Variants in DZANK1 observed in about 807,000 individuals in gnomAD.
DZANK1 encodes the protein double zinc ribbon and ankyrin repeat domains 1, also known as double zinc ribbon and ankyrin repeat-containing protein 1.
In DZANK1, 91 loss-of-function variants were observed where a neutral mutation model predicts 94.5. The observed-to-expected ratio is 0.96, with a 90% CI of 0.81 to 1.15. The LOEUF is 1.15. DZANK1 is among the 50% of genes most tolerant of loss of function. DZANK1 has a pLI of 0.00. For missense variants in DZANK1, 903 were observed against 916.4 expected, an observed-to-expected ratio of 0.99 and a Z score of 0.19; for synonymous variants, 312 against 325.3, an observed-to-expected ratio of 0.96 and a Z score of 0.44.
Position 18,441,149 on chromosome 20 carries a change from G to A in DZANK1, c.747+2198C>T, listed in dbSNP as rs2058704019. ...CATTGTCACTGTCATAGAGTCAAGT[G>A]CAGCAGTTACTTGGCCATTCAAGAT... On this transcript the variant is annotated intron_variant, in intron 8 of 20. Transcript: ENST00000262547. This position sits in a 1 kb window ranked among gnomAD's most constrained non-coding sequence, Gnocchi z 4.1. Among the ~76,000 whole-genome samples, 1 of 152,132 alleles carries A rather than the reference G, an allele frequency of 6.6e-6. No individual in the cohort carries two copies. The highest frequency in any genetic ancestry group is 6.5e-5 in the Admixed American group (1 of 15,274).
intron 13 of DZANK1, among the ~76,000 whole-genome samples, chr20:18,405,771 G>A (rs1054669662): frequency 6.6e-6 from 1 of 152,200 alleles, no homozygotes; most frequent in Non-Finnish European, 1.5e-5. Context: ...ACTTCATATT[G>A]TGAAAAGAGG....
Position 18,414,523 on chromosome 20 carries a change from G to C in DZANK1, c.1078-11C>G. 8 of 1,587,350 alleles carry C rather than the reference G, an allele frequency of 5.0e-6. No individual in the cohort carries two copies. The highest frequency in any genetic ancestry group is 6.0e-6 in the Non-Finnish European group (7 of 1,166,360). Reference sequence around the variant, plus strand: ...AGCAGGAATGCCGAGCTAGAGGATAGAAAATATCTTGATGAATATTAGAGT... The same window carrying C: ...AGCAGGAATGCCGAGCTAGAGGATACAAAATATCTTGATGAATATTAGAGT... On this transcript the variant is annotated splice_polypyrimidine_tract_variant and intron_variant, in intron 11 of 20. Coordinates refer to ENST00000262547, the Ensembl canonical transcript of DZANK1.
intron 13 of DZANK1, among the ~76,000 whole-genome samples, chr20:18,405,921 A>T (rs1336689418): frequency 6.6e-6 from 1 of 152,116 alleles, no homozygotes; most frequent in Non-Finnish European, 1.5e-5. Flanking sequence ...TGTACACTGA[A>T]CTCGGTACTG....
At chr20:18,404,559 A>G (rs1235338550) in intron 13 of DZANK1, among the ~76,000 whole-genome samples, 1 of 152,200 alleles carries the variant, frequency 6.6e-6, no homozygotes, top group African/African-American at 2.4e-5. Flanking sequence ...TTGATACAAT[A>G]TATTATCTAA....
intron 2 of DZANK1, 38 bp from the exon 3 acceptor site, chr20:18,460,344 A>C: frequency 6.9e-7 from 1 of 1,442,064 alleles, no homozygotes. Flanking sequence ...AATTAACACC[A>C]AAGTAGCAAG....
At chr20:18,409,712 T>C (rs1196076923) in intron 13 of DZANK1, among the ~76,000 whole-genome samples, 4 of 152,136 alleles carry the variant, frequency 2.6e-5, no homozygotes, top group East Asian at 1.9e-4. Context: ...TGAATATGAA[T>C]ATAATTATAC....
Position 18,445,050 on chromosome 20 carries a change from G to A in DZANK1, c.630-1586C>T, listed in dbSNP as rs189183969. On this transcript the variant is annotated intron_variant, in intron 7 of 20. Coordinates refer to ENST00000262547, the Ensembl canonical transcript of DZANK1. ...TCTCGATCTCCTGACCTCGTGATCC[G>A]CCCACCTCGGCCTCCCAAAGTGCTG... 2.4e-3 allele frequency among the ~76,000 whole-genome samples: 370 copies of A among 151,754 alleles called. 6 individuals carry two copies. Among genetic ancestry groups the A allele is most frequent in the Admixed American group, 0.02 (310 of 15,226 alleles).
intron 8 of DZANK1, among the ~76,000 whole-genome samples, chr20:18,440,901 G>C (rs2058696912): frequency 6.6e-6 from 1 of 152,152 alleles, no homozygotes; most frequent in African/African-American, 2.4e-5. Context: ...CTGGTGATCA[G>C]GTGAATTTAA....
chr20:18,399,523 C>T (rs1161716943), intron 13 of DZANK1, among the ~76,000 whole-genome samples: 1 of 152,164 alleles, frequency 6.6e-6, no homozygotes, highest in African/African-American at 2.4e-5. Context: ...AGACACCGCA[C>T]CCAGCCCTTA....
intron 6 of DZANK1, among the ~76,000 whole-genome samples, chr20:18,449,459 T>C (rs981500980): frequency 1.3e-5 from 2 of 152,152 alleles, no homozygotes; most frequent in African/African-American, 2.4e-5. Context: ...TTCACAATCA[T>C]ATATCTATAT....
chr20:18,461,552 T>C (rs2059472744), intron 2 of DZANK1, among the ~76,000 whole-genome samples: 1 of 151,994 alleles, frequency 6.6e-6, no homozygotes, highest in Non-Finnish European at 1.5e-5. Flanking sequence ...GCAAGACAAA[T>C]ATGTAGAACT....
rs565879131 is a variant in DZANK1, at chr20:18,450,254, A to T, written c.544-1185T>A. Among the ~76,000 whole-genome samples the T allele has an allele frequency of 2.0e-5, 3 of 152,072 alleles. No homozygotes were observed. The South Asian group carries it at 6.2e-4, about 32-fold the overall frequency. ...AGGTTTCTCATTGCTTTTGTGCCACATCTAACATGGCCTAGGCTGGGTGTA... is the reference window on the plus strand; with the variant it reads ...AGGTTTCTCATTGCTTTTGTGCCACTTCTAACATGGCCTAGGCTGGGTGTA... On this transcript the variant is annotated intron_variant, in intron 6 of 20. Coordinates refer to ENST00000262547, the Ensembl canonical transcript of DZANK1.
At chr20:18,405,279 A>C (rs1207790771) in intron 13 of DZANK1, among the ~76,000 whole-genome samples, 2 of 152,222 alleles carry the variant, frequency 1.3e-5, no homozygotes, top group Non-Finnish European at 2.9e-5. Context: ...AAAACCAAAT[A>C]AGAATATGTA....
At position 18,394,235 on chromosome 20, in the gene DZANK1, C is replaced by T. The variant is rs1478605160; in HGVS notation, c.1708+19G>A. ...TTCCTGGTCAGTTGTTTTAAAATTG[C>T]CAGAAGGGAATAACTCACCCCAGCT... On this transcript the variant is annotated intron_variant, in intron 16 of 20. Transcript: ENST00000262547. The T allele has an allele frequency of 1.3e-5, 21 of 1,607,496 alleles. No homozygotes were observed. The highest frequency in any genetic ancestry group is 1.8e-5 in the Non-Finnish European group (21 of 1,176,886).
intron 13 of DZANK1, among the ~76,000 whole-genome samples, chr20:18,403,787 A>ACTTT: frequency 6.8e-6 from 1 of 146,574 alleles, no homozygotes; most frequent in African/African-American, 2.5e-5. Context: ...TCATAAACTA[A>ACTTT]CTTTCTTTCT....
chr20:18,384,437 G>A (rs1197462192), exon 21 of DZANK1: 1 of 1,612,030 alleles, frequency 6.2e-7, no homozygotes, highest in Non-Finnish European at 8.5e-7. Flanking sequence ...GTTTGAGCGA[G>A]TTGGTCCTCA....
At chr20:18,439,878 G>A (rs529911502) in intron 8 of DZANK1, among the ~76,000 whole-genome samples, 14 of 152,184 alleles carry the variant, frequency 9.2e-5, no homozygotes, top group Admixed American at 8.5e-4. Flanking sequence ...TGGGTGTTAG[G>A]GACTAAACTG....
rs2148350254 is a variant in DZANK1, at chr20:18,403,914, C to T, written c.1433-5288G>A. Among the ~76,000 whole-genome samples the T allele has an allele frequency of 2.6e-5, 4 of 151,268 alleles. No homozygotes were observed. The South Asian group carries it at 8.3e-4, about 32-fold the overall frequency. On this transcript the variant is annotated intron_variant, in intron 13 of 20. Transcript: ENST00000262547. ...TCCCAGGTTTGAAAGATTCTTTGGC[C>T]TCAGACTCCCGAGTAGCTAGGATTA... is the stretch of plus-strand genomic sequence containing the variant.
intron 2 of DZANK1, among the ~76,000 whole-genome samples, chr20:18,461,600 CT>C (rs71194239): frequency 0.47 from 64,999 of 138,112 alleles, 14,548 homozygotes; most frequent in East Asian, 0.57. Flanking sequence ...CATTTGTAAT[CT>C]TTTTTTTTTT....
Sources: gnomAD v4.1 joint callset for allele counts (sites outside exome capture counted in the v4.1 genomes callset) on GRCh38, gnomAD v4.1.1 for gene constraint, Gnocchi (gnomAD v3.1) non-coding constraint, MANE v1.5 for transcripts, NCBI Gene and HGNC (gene_info 2026-07-23, HGNC 2026-07-21) for gene names.